Variants in CNTLN observed in about 807,000 individuals in gnomAD.
CNTLN encodes centlein.
Under a neutral mutation model 180.0 loss-of-function variants are expected in CNTLN, and 212 were observed. The ratio of observed to expected loss-of-function variants is 1.18; its 90% CI spans 1.05 to 1.32. The LOEUF (loss-of-function observed/expected upper bound fraction) is 1.32. Ranked by LOEUF, CNTLN falls within the 40% of genes most tolerant of loss-of-function variation. The pLI is 0.00. For synonymous variants in CNTLN, 722 were observed against 563.1 expected (o/e 1.28, Z -3.99); for missense variants, 2,095 against 1,610.9 (o/e 1.30, Z -5.14).
Position 17,409,311 on chromosome 9 carries a change from G to T in CNTLN, c.2634G>T (p.Gln878His), listed in dbSNP as rs773972748. 6.2e-7 allele frequency: 1 copy of T among 1,612,410 alleles called. No individual in the cohort carries two copies. Among genetic ancestry groups the T allele is most frequent in the Non-Finnish European group, 8.5e-7 (1 of 1,179,444 alleles). Residue 878 changes from glutamine (Q) to histidine (H), a missense_variant, in exon 16 of 26, where the codon CAG becomes CAT. By Grantham distance (24) the Gln-to-His change is conservative. Transcript: ENST00000380647. ...TAAAAAGCAGTGATTCTGAAGCACAGACCTCTCAAACTTTGGGAACAATTA... is the reference window on the plus strand; with the variant it reads ...TAAAAAGCAGTGATTCTGAAGCACATACCTCTCAAACTTTGGGAACAATTA... ...VSESSSDSEA[Q>H]TSQTLGTIIV...
At chr9:17,451,085 G>A (rs2584538) in intron 18 of CNTLN, among the ~76,000 whole-genome samples, 105,220 of 151,930 alleles carry the variant, frequency 0.69, 36,923 homozygotes, top group East Asian at 0.91. Context: ...TGGACAGCAT[G>A]CAGAATTTTA....
intron 5 of CNTLN, among the ~76,000 whole-genome samples, chr9:17,242,884 C>T (rs1243774649): frequency 2.0e-5 from 3 of 152,086 alleles, no homozygotes; most frequent in African/African-American, 7.2e-5. Context: ...GAAGTATTCC[C>T]TTCTCTATTC....
chr9:17,163,229 A>C (rs1024677068), intron 2 of CNTLN, among the ~76,000 whole-genome samples: 1 of 152,078 alleles, frequency 6.6e-6, no homozygotes, highest in Admixed American at 6.6e-5. Flanking sequence ...GGTCCCTCCC[A>C]CCACATGTGG....
intron 5 of CNTLN, among the ~76,000 whole-genome samples, chr9:17,267,126 C>A (rs546440407): frequency 6.6e-6 from 1 of 152,216 alleles, no homozygotes; most frequent in Non-Finnish European, 1.5e-5. Flanking sequence ...GCAGTTTCTT[C>A]CTATCCTTGA....
At chr9:17,389,111 T>C (rs1174354108) in intron 14 of CNTLN, among the ~76,000 whole-genome samples, 2 of 152,072 alleles carry the variant, frequency 1.3e-5, no homozygotes, top group African/African-American at 4.8e-5. Context: ...CATCTCTGAA[T>C]TGACTTGTAG....
At chr9:17,336,884 C>T (rs7044462) in intron 10 of CNTLN, among the ~76,000 whole-genome samples, 87,063 of 151,912 alleles carry the variant, frequency 0.57, 25,395 homozygotes, top group East Asian at 0.73. Flanking sequence ...CTTGAGGAAT[C>T]GCCACACTGT....
intron 18 of CNTLN, among the ~76,000 whole-genome samples, chr9:17,456,164 C>A (rs1831102883): frequency 6.6e-6 from 1 of 151,974 alleles, no homozygotes; most frequent in African/African-American, 2.4e-5. Flanking sequence ...AGAGAATGAA[C>A]AAATAGGGAG....
intron 4 of CNTLN, among the ~76,000 whole-genome samples, 167 bp downstream of exon 4, chr9:17,235,959 T>C (rs1374505024): frequency 1.3e-5 from 2 of 152,170 alleles, no homozygotes; most frequent in African/African-American, 4.8e-5. Context: ...AAAGATGCTT[T>C]AAAGCCAGAA....
chr9:17,512,172 G>T, the CNTLN span, among the ~76,000 whole-genome samples: 52 of 152,284 alleles, frequency 3.4e-4, no homozygotes, highest in South Asian at 4.4e-3. Context: ...ACCTTTCTCA[G>T]ATTTGAACTG....
chr9:17,323,628 ATTACT>A (rs941995370), intron 8 of CNTLN, among the ~76,000 whole-genome samples: 2 of 152,186 alleles, frequency 1.3e-5, no homozygotes, highest in Non-Finnish European at 2.9e-5. Flanking sequence ...TAATTTGTAA[ATTACT>A]TTACATGGCG....
intron 8 of CNTLN, among the ~76,000 whole-genome samples, chr9:17,319,273 G>A (rs1159998349): frequency 2.0e-5 from 3 of 152,204 alleles, no homozygotes; most frequent in African/African-American, 7.2e-5. Context: ...AAGCATCCTA[G>A]GGTGGGAGTA....
chr9:17,352,152 T>C (rs1404753052), intron 12 of CNTLN, among the ~76,000 whole-genome samples: 1 of 152,062 alleles, frequency 6.6e-6, no homozygotes, highest in Non-Finnish European at 1.5e-5. Context: ...ATTTCAATGA[T>C]CTTTTGGTCA....
chr9:17,413,478 G>A (rs1014542455), intron 16 of CNTLN, among the ~76,000 whole-genome samples: 6 of 152,058 alleles, frequency 3.9e-5, no homozygotes, highest in African/African-American at 1.4e-4. Context: ...GAAAAGACAA[G>A]CCACAGAGTG....
chr9:17,255,246 G>T (rs763869207), intron 5 of CNTLN, among the ~76,000 whole-genome samples: 1 of 151,620 alleles, frequency 6.6e-6, no homozygotes, highest in Non-Finnish European at 1.5e-5. Flanking sequence ...GTGAGAGTGG[G>T]CAACCTCATC....
At chr9:17,249,342 ATTGTTTTTT>A (rs1269900661) in intron 5 of CNTLN, among the ~76,000 whole-genome samples, 3 of 107,892 alleles carry the variant, frequency 2.8e-5, no homozygotes, top group East Asian at 2.3e-4. Flanking sequence ...TGGTTCTTTG[ATTGTTTTTT>A]TTGTTTTTTT....
At chr9:17,487,936 G>C (rs1280888708) in intron 25 of CNTLN, among the ~76,000 whole-genome samples, 1 of 152,002 alleles carries the variant, frequency 6.6e-6, no homozygotes, top group African/African-American at 2.4e-5. Context: ...TTTCATTATA[G>C]TTCTTTCGGC....
intron 2 of CNTLN, among the ~76,000 whole-genome samples, chr9:17,187,590 G>A (rs371642754): frequency 1.1e-4 from 17 of 151,788 alleles, no homozygotes; most frequent in Non-Finnish European, 1.0e-4. Context: ...ATAAAAGTTG[G>A]ATCATGTTTT....
At chr9:17,187,304 C>G (rs1417535283) in intron 2 of CNTLN, among the ~76,000 whole-genome samples, 1 of 152,040 alleles carries the variant, frequency 6.6e-6, no homozygotes, top group Non-Finnish European at 1.5e-5. Context: ...ATTACATACT[C>G]TATAAGTTTA....
At chr9:17,269,793 A>G (rs1201736463) in intron 5 of CNTLN, among the ~76,000 whole-genome samples, 1 of 151,886 alleles carries the variant, frequency 6.6e-6, no homozygotes, top group South Asian at 2.1e-4. Flanking sequence ...GTGTTGTTCT[A>G]CTCCTCTATT....
Sources: gnomAD v4.1 joint callset for allele counts (sites outside exome capture counted in the v4.1 genomes callset) on GRCh38, gnomAD v4.1.1 for gene constraint, MANE v1.5 for transcripts, NCBI Gene and HGNC (gene_info 2026-07-23, HGNC 2026-07-21) for gene names.